The following DZIP3 variants were observed in gnomAD, a reference collection of about 807,000 sequenced individuals.
DZIP3 encodes E3 ubiquitin-protein ligase DZIP3.
Under a neutral mutation model 162.0 loss-of-function variants are expected in DZIP3, and 118 were observed. The observed-to-expected ratio is 0.73, with a 90% CI of 0.63 to 0.85. The LOEUF is 0.85. DZIP3 is among the 40% of genes least tolerant of loss of function. DZIP3 has a pLI of 0.00. For synonymous variants in DZIP3, 438 were observed against 458.6 expected, an observed-to-expected ratio of 0.96 and a Z score of 0.57; for missense variants, 1,331 against 1,407.0, an observed-to-expected ratio of 0.95 and a Z score of 0.86.
At position 108,654,353 on chromosome 3, in the gene DZIP3, T is replaced by C. The variant is rs760658544; in HGVS notation, c.2199+43T>C. The C allele has an allele frequency of 3.7e-6, 6 of 1,608,768 alleles. No homozygotes were observed. The East Asian group carries it at 6.7e-5, about 18-fold the overall frequency. On this transcript the variant is annotated intron_variant, in intron 19 of 32. Coordinates refer to ENST00000361582, the MANE Select transcript of DZIP3 (RefSeq NM_014648.4). ...GGGTGCCTGCCTTCTCTTATTGTTA[T>C]CTGGTTTTTCCTGTGACTCTTTAAA... is the stretch of plus-strand genomic sequence containing the variant.
Position 108,644,728 on chromosome 3 carries a change from T to A in DZIP3, c.1706T>A (p.Leu569Gln). The A allele has an allele frequency of 6.2e-7, 1 of 1,610,790 alleles. No homozygotes were observed. The highest frequency in any genetic ancestry group is 8.5e-7 in the Non-Finnish European group (1 of 1,179,472). The change falls in exon 14 of 33, where the codon CTA (leucine) becomes CAA (glutamine). Residue 569 changes from leucine to glutamine, a missense_variant. Leu to Gln is a moderately radical substitution (Grantham distance 113). Around this residue, in one of 2 missense-constraint regions of DZIP3, gnomAD observed 1,278 missense variants for 1,317.1 expected, o/e 0.97. Coordinates refer to ENST00000361582, the MANE Select transcript of DZIP3 (RefSeq NM_014648.4). ...SLDYHQLSVY[L>Q]GIPVPEIIQR... ...GATTACCATCAGCTATCTGTCTACC[T>A]AGGCATACCAGTACCAGAAATCATA...
chr3:108,675,735 A>G (rs752841808), intron 24 of DZIP3, 51 bp from the exon 25 acceptor site: 1 of 1,508,126 alleles, frequency 6.6e-7, no homozygotes, highest in Admixed American at 2.1e-5. Flanking sequence ...TTGGAAACCT[A>G]AGTGTTATAA....
chr3:108,680,841 C>G (rs1234607468), intron 26 of DZIP3, among the ~76,000 whole-genome samples: 1 of 152,116 alleles, frequency 6.6e-6, no homozygotes, highest in Non-Finnish European at 1.5e-5. Context: ...CTGACAACAA[C>G]AAGCAATGGG....
At chr3:108,661,604 G>C (rs1943438391) in intron 19 of DZIP3, among the ~76,000 whole-genome samples, 1 of 151,958 alleles carries the variant, frequency 6.6e-6, no homozygotes, top group South Asian at 2.1e-4. Flanking sequence ...CCTGCACATT[G>C]TGCACATGTA....
chr3:108,626,470 G>A (rs565745962), intron 7 of DZIP3, among the ~76,000 whole-genome samples: 1 of 152,272 alleles, frequency 6.6e-6, no homozygotes, highest in Admixed American at 6.5e-5. Flanking sequence ...CTTATAAAGA[G>A]TTGAAAAGGG....
Position 108,629,169 on chromosome 3 carries a change from C to T in DZIP3, c.689C>T (p.Thr230Ile), listed in dbSNP as rs1941718485. 6.4e-7 allele frequency: 1 copy of T among 1,558,332 alleles called. No individual in the cohort carries two copies. Among genetic ancestry groups the T allele is most frequent in the East Asian group, 2.3e-5 (1 of 43,224 alleles). Residue 230 changes from threonine to isoleucine, a missense_variant, in exon 8 of 33, where the codon ACT (threonine) becomes ATT (isoleucine). Around this residue, in one of 2 missense-constraint regions of DZIP3, gnomAD observed 1,278 missense variants for 1,317.1 expected, o/e 0.97. Coordinates refer to ENST00000361582, the MANE Select transcript of DZIP3 (RefSeq NM_014648.4). ...DPTEDEDLPT[T>I]FKDLLNNFIK... ...ACAGAAGATGAAGATTTACCTACAACTTTTAAAGTAAGAAATTATTTAAGA... is the reference window on the plus strand; with the variant it reads ...ACAGAAGATGAAGATTTACCTACAATTTTTAAAGTAAGAAATTATTTAAGA...
chr3:108,690,713 C>T (rs1944658658), intron 31 of DZIP3, 74 bp from the exon 32 acceptor site: 4 of 1,352,596 alleles, frequency 3.0e-6, no homozygotes, highest in African/African-American at 2.9e-5. Flanking sequence ...GGTTGGTAAC[C>T]CTGATGCATA....
At chr3:108,682,830 C>T (rs1337334303) in intron 26 of DZIP3, among the ~76,000 whole-genome samples, 1 of 150,570 alleles carries the variant, frequency 6.6e-6, no homozygotes, top group African/African-American at 2.5e-5. Context: ...GATCGTTACA[C>T]CATACATGTA....
rs557469095 is a variant in DZIP3 at position 108,651,573 on chromosome 3, A to G, written c.2033+411A>G. Reference sequence around the variant, plus strand: ...GTTATGCCATATAGCCTAGGTGTGTAGTAGGCTATACCGTCTAGTTTTGTT... The same window carrying G: ...GTTATGCCATATAGCCTAGGTGTGTGGTAGGCTATACCGTCTAGTTTTGTT... On this transcript the variant is annotated intron_variant, in intron 18 of 32. Coordinates refer to ENST00000361582, the MANE Select transcript of DZIP3 (RefSeq NM_014648.4). Among the ~76,000 whole-genome samples, 15 of 151,740 alleles carry G rather than the reference A, an allele frequency of 9.9e-5. No individual in the cohort carries two copies. In the South Asian group the frequency reaches 3.1e-3, roughly 31 times the overall value.
At chr3:108,601,791 A>T (rs760048307) in intron 1 of DZIP3, among the ~76,000 whole-genome samples, 1 of 152,208 alleles carries the variant, frequency 6.6e-6, no homozygotes, top group Non-Finnish European at 1.5e-5. Context: ...TTTCTTCCTC[A>T]GGAAACGACC....
At chr3:108,594,303 T>A (rs1939590530) in intron 1 of DZIP3, among the ~76,000 whole-genome samples, 1 of 152,078 alleles carries the variant, frequency 6.6e-6, no homozygotes, top group Non-Finnish European at 1.5e-5. Flanking sequence ...TACATTCATC[T>A]TTTATTTACT....
At chr3:108,678,648 C>G (rs1944197728) in intron 26 of DZIP3, among the ~76,000 whole-genome samples, 1 of 151,980 alleles carries the variant, frequency 6.6e-6, no homozygotes, top group Admixed American at 6.6e-5. Context: ...ACATAGCACC[C>G]TAACCCAGTA....
At chr3:108,676,611 C>CAAAAA (rs879880395) in intron 25 of DZIP3, among the ~76,000 whole-genome samples, 1 of 143,658 alleles carries the variant, frequency 7.0e-6, no homozygotes, top group East Asian at 2.0e-4. Context: ...ACACTATCAG[C>CAAAAA]AAAAAAAAAA....
intron 1 of DZIP3, among the ~76,000 whole-genome samples, chr3:108,590,428 T>C (rs550722669): frequency 6.6e-6 from 1 of 152,330 alleles, no homozygotes; most frequent in East Asian, 1.9e-4. Context: ...GGTGTTTTGG[T>C]TTTGTTTTTT....
At chr3:108,631,055 A>ACACACAGACACTCTCTCT in intron 8 of DZIP3, among the ~76,000 whole-genome samples, 5 of 18,014 alleles carry the variant, frequency 2.8e-4, no homozygotes, top group Admixed American at 8.5e-4. Context: ...ACACACACAC[A>ACACACAGACACTCTCTCT]CTCTCTCTCT....
At chr3:108,672,208 G>A (rs575555121) in intron 22 of DZIP3, among the ~76,000 whole-genome samples, 1 of 152,028 alleles carries the variant, frequency 6.6e-6, no homozygotes, top group Non-Finnish European at 1.5e-5. Context: ...CACTTCGGGG[G>A]TTAAGATTTC....
intron 1 of DZIP3, among the ~76,000 whole-genome samples, chr3:108,594,413 C>T (rs1215614709): frequency 8.8e-6 from 1 of 113,180 alleles, no homozygotes; most frequent in Non-Finnish European, 1.8e-5. Context: ...CTCCCCCCTC[C>T]CCTCCCCCCT....
intron 32 of DZIP3, chr3:108,691,527 C>T (rs1944696450): frequency 6.6e-6 from 1 of 152,038 alleles, no homozygotes; most frequent in South Asian, 2.1e-4. Flanking sequence ...TTCTCTGTGT[C>T]CCTGTGTCTC....
chr3:108,616,768 T>C (rs1941040873), intron 5 of DZIP3, 111 bp downstream of exon 5: 10 of 712,282 alleles, frequency 1.4e-5, no homozygotes, highest in Non-Finnish European at 2.4e-5. Flanking sequence ...TTTATTTTTT[T>C]CTTTTACCTC....
Sources: allele counts gnomAD v4.1 joint callset (sites outside exome capture counted in the v4.1 genomes callset), GRCh38; gene constraint gnomAD v4.1.1; regional missense constraint gnomAD v4.1.1; transcripts MANE v1.5; gene names NCBI Gene and HGNC (gene_info 2026-07-23, HGNC 2026-07-21).